CLVS1: variants seen among roughly 807,000 people sequenced by gnomAD.
CLVS1 encodes the protein clavesin-1.
Under a neutral mutation model 33.1 loss-of-function variants are expected in CLVS1, and 10 were observed. The ratio of observed to expected loss-of-function variants is 0.30; its 90% CI spans 0.19 to 0.51. The LOEUF (loss-of-function observed/expected upper bound fraction) is 0.51. CLVS1 is among the 20% of genes least tolerant of loss of function. The pLI, the probability that CLVS1 is intolerant of heterozygous loss-of-function variation, is 0.97. For missense variants in CLVS1, 343 were observed against 433.4 expected (o/e 0.79, Z 1.85); for synonymous variants, 163 against 166.1 (o/e 0.98, Z 0.14).
At chr8:61,437,279 G>T (rs968728923) in intron 3 of CLVS1, among the ~76,000 whole-genome samples, 2 of 152,190 alleles carry the variant, frequency 1.3e-5, no homozygotes, top group Non-Finnish European at 2.9e-5. Context: ...CACTGGAAAG[G>T]TGAGGGGTGG....
upstream of CLVS1, among the ~76,000 whole-genome samples, chr8:61,284,340 T>C (rs1418693713): frequency 1.3e-5 from 2 of 152,214 alleles, no homozygotes; most frequent in Non-Finnish European, 1.5e-5. Flanking sequence ...TAATGTACTG[T>C]ATATTTCAAA....
chr8:61,255,755 T>C (rs549436894), intron 2 of CLVS1, among the ~76,000 whole-genome samples: 1 of 152,094 alleles, frequency 6.6e-6, no homozygotes, highest in Non-Finnish European at 1.5e-5. Context: ...CCAAAAGATT[T>C]GCCATAATTT....
chr8:61,356,638 G>A (rs1221502048), intron 2 of CLVS1, among the ~76,000 whole-genome samples: 2 of 152,114 alleles, frequency 1.3e-5, no homozygotes, highest in Non-Finnish European at 2.9e-5. Context: ...CATATGGTTA[G>A]CCAGTTTTCC....
At chr8:60,979,666 C>T in the CLVS1 span, among the ~76,000 whole-genome samples, 6 of 152,154 alleles carry the variant, frequency 3.9e-5, no homozygotes, top group Non-Finnish European at 7.3e-5. Flanking sequence ...TTAAGGAGCC[C>T]ACATGGTCCA....
chr8:60,984,632 A>T, the CLVS1 span, among the ~76,000 whole-genome samples: 5 of 152,078 alleles, frequency 3.3e-5, no homozygotes, highest in Non-Finnish European at 7.4e-5. Flanking sequence ...CTGGCCCATA[A>T]AGTCTAGTTC....
At chr8:61,247,902 T>C (rs1383005464) in intron 2 of CLVS1, among the ~76,000 whole-genome samples, 2 of 152,172 alleles carry the variant, frequency 1.3e-5, no homozygotes, top group Non-Finnish European at 2.9e-5. Flanking sequence ...CCTTCCAGGG[T>C]TTTTAACATT....
chr8:61,031,997 T>C, the CLVS1 span, among the ~76,000 whole-genome samples: 2 of 152,192 alleles, frequency 1.3e-5, no homozygotes, highest in African/African-American at 4.8e-5. Context: ...AATATAATGG[T>C]AGCAGTTTTG....
chr8:61,349,001 G>A (rs1041691151), intron 2 of CLVS1, among the ~76,000 whole-genome samples: 1 of 152,036 alleles, frequency 6.6e-6, no homozygotes, highest in Non-Finnish European at 1.5e-5. Flanking sequence ...TCATGTATCT[G>A]TCGGCCATTT....
intron 5 of CLVS1, among the ~76,000 whole-genome samples, chr8:61,486,152 C>A (rs1000533060): frequency 6.7e-6 from 1 of 149,326 alleles, no homozygotes; most frequent in African/African-American, 2.5e-5. Flanking sequence ...GTGATGCCTC[C>A]AGTGGGGTCA....
At chr8:61,292,880 A>C (rs1156281914) in intron 1 of CLVS1, among the ~76,000 whole-genome samples, 1 of 152,184 alleles carries the variant, frequency 6.6e-6, no homozygotes, top group Non-Finnish European at 1.5e-5. Flanking sequence ...CCCCAAAGAA[A>C]ACTGCAAAAT....
chr8:61,021,517 ATT>A, the CLVS1 span, among the ~76,000 whole-genome samples: 17 of 141,674 alleles, frequency 1.2e-4, no homozygotes, highest in African/African-American at 1.3e-4. Flanking sequence ...TGACTGGCTA[ATT>A]TTTTTTTTTT....
At chr8:61,271,391 A>T (rs1383594775) in intron 2 of CLVS1, among the ~76,000 whole-genome samples, 1 of 149,420 alleles carries the variant, frequency 6.7e-6, no homozygotes, top group African/African-American at 2.5e-5. Context: ...AGTTTGTTAT[A>T]ATTTCTGTTC....
intron 2 of CLVS1, among the ~76,000 whole-genome samples, chr8:61,282,582 T>C (rs1809694450): frequency 6.6e-6 from 1 of 152,224 alleles, no homozygotes. Flanking sequence ...AATTTCTTTA[T>C]GAGTCAGTTT....
rs1554530510 is a variant in CLVS1, at chr8:61,059,499, T to TAC, written c.-243+2273_-243+2274dup. Reference sequence around the variant, plus strand: ...ACATATATATATATATATATATATATACACATATCTTGAAAATAGCACGAG... The same window carrying TAC: ...ACATATATATATATATATATATATATACACACATATCTTGAAAATAGCACGAG... On this transcript the variant is annotated intron_variant, in intron 1 of 2. Coordinates refer to the CLVS1 transcript ENST00000522621. Among the ~76,000 whole-genome samples, 301 of 96,220 alleles carry TAC rather than the reference T, an allele frequency of 3.1e-3. 7 individuals are homozygous for TAC. Among genetic ancestry groups the TAC allele is most frequent in the East Asian group, 0.026 (48 of 1,822 alleles). The allele number at this position is 96,220 out of a possible 152,430, so 63.1% of individuals were successfully genotyped here.
At chr8:61,488,702 A>G (rs1204154225) in intron 5 of CLVS1, among the ~76,000 whole-genome samples, 2 of 152,218 alleles carry the variant, frequency 1.3e-5, no homozygotes, top group Non-Finnish European at 2.9e-5. Flanking sequence ...GCAATCATTT[A>G]TCCTCATTTT....
chr8:61,119,661 G>T (rs1379012021), intron 1 of CLVS1, among the ~76,000 whole-genome samples: 2 of 146,160 alleles, frequency 1.4e-5, no homozygotes, highest in African/African-American at 5.3e-5. Flanking sequence ...TGAAATTCTG[G>T]GTTGAAAATT....
intron 2 of CLVS1, among the ~76,000 whole-genome samples, chr8:61,339,968 G>A (rs1811962828): frequency 6.9e-6 from 1 of 144,252 alleles, no homozygotes; most frequent in African/African-American, 2.6e-5. Context: ...GTGAGAGAAA[G>A]AAAGAGAAAG....
At chr8:61,064,055 T>C (rs1289217040) in intron 1 of CLVS1, among the ~76,000 whole-genome samples, 1 of 152,242 alleles carries the variant, frequency 6.6e-6, no homozygotes, top group Non-Finnish European at 1.5e-5. Flanking sequence ...TGTGTCAGAA[T>C]TTCATTCGTT....
At chr8:61,068,247 A>ATG (rs1804723593) in intron 1 of CLVS1, among the ~76,000 whole-genome samples, 1 of 146,432 alleles carries the variant, frequency 6.8e-6, no homozygotes, top group Non-Finnish European at 1.5e-5. Context: ...ATATATATAT[A>ATG]TGTATATATA....
Sources: allele counts gnomAD v4.1 joint callset (sites outside exome capture counted in the v4.1 genomes callset), GRCh38; gene constraint gnomAD v4.1.1; transcripts MANE v1.5; gene names NCBI Gene and HGNC (gene_info 2026-07-23, HGNC 2026-07-21).